Variants in RNF213 observed in about 807,000 individuals in gnomAD.
RNF213 encodes the protein E3 ubiquitin-protein ligase RNF213.
In RNF213, 341 loss-of-function variants were observed where a neutral mutation model predicts 514.4. That is an observed-to-expected ratio of 0.66 (90% CI 0.61 to 0.73). The LOEUF is 0.73. RNF213 is among the 30% of genes least tolerant of loss of function. The pLI is 0.00. For missense variants in RNF213, 5,767 were observed against 6,615.6 expected (o/e 0.87, Z 4.45); for synonymous variants, 2,655 against 2,658.2 (o/e 1.00, Z 0.04).
chr17:80,385,718 CA>C (rs2080209880), intron 61 of RNF213, 97 bp downstream of exon 61: 1 of 1,013,996 alleles, frequency 9.9e-7, no homozygotes, highest in Non-Finnish European at 1.5e-6. Flanking sequence ...TGTCAACACC[CA>C]GCACTGTGTT....
chr17:80,294,118 C>T (rs913522234), intron 8 of RNF213, among the ~76,000 whole-genome samples: 34 of 151,332 alleles, frequency 2.2e-4, no homozygotes, highest in African/African-American at 7.4e-4. Flanking sequence ...AATTATTTTA[C>T]AGTCAACCTC....
rs757498797 is a variant in RNF213, at chr17:80,313,087, A to G, written c.2731A>G (p.Lys911Glu). ...CTTCCAAGGGACCCTTGCTGCTACG[A>G]AAAGGTGGCTCCGAGAAGTTTTTAC... Reference protein sequence around the residue: ...TVFQGTLAATKRWLREVFTKN... With the variant: ...TVFQGTLAATERWLREVFTKN... Residue 911 changes from lysine (K) to glutamate (E), a missense_variant, in exon 15 of 68, where the codon AAA becomes GAA. By Grantham distance (56) the Lys-to-Glu change is moderately conservative. Coordinates refer to ENST00000582970, the MANE Select transcript of RNF213 (RefSeq NM_001256071.3). 6.2e-7 allele frequency: 1 copy of G among 1,614,144 alleles called. No individual in the cohort carries two copies. Among genetic ancestry groups the G allele is most frequent in the Admixed American group, 1.7e-5 (1 of 60,032 alleles).
At chr17:80,355,787 G>A (rs1472418591) in intron 36 of RNF213, among the ~76,000 whole-genome samples, 2 of 139,074 alleles carry the variant, frequency 1.4e-5, no homozygotes, top group Non-Finnish European at 3.0e-5. Context: ...GGCTCATGGA[G>A]GAAAAAGCGG....
chr17:80,366,388 C>T (rs147324380), intron 42 of RNF213, among the ~76,000 whole-genome samples: 1 of 152,308 alleles, frequency 6.6e-6, no homozygotes, highest in African/African-American at 2.4e-5. Flanking sequence ...GTCTGAATTT[C>T]TCCACATCAT....
chr17:80,290,546 A>G (rs2143294055), intron 6 of RNF213, 24 bp from the exon 7 acceptor site: 1 of 1,612,936 alleles, frequency 6.2e-7, no homozygotes, highest in East Asian at 2.2e-5. Flanking sequence ...CGGGAATCAG[A>G]TTTCTGTTTT....
chr17:80,373,165 G>A lies in RNF213; in HGVS notation c.12942G>A (p.Gln4314=). ...TTCCCAAGGACGTTGTCAAGCAGCA[G>A]GTGAGAAGCGGGGCCGGGCAGCACA... ...WVFPKDVVKQ[Q]GLRQDHPGQM... Residue 4314 remains glutamine, a splice_region_variant and synonymous_variant, in exon 49 of 68, where the codon CAG becomes CAA. Coordinates refer to ENST00000582970, the MANE Select transcript of RNF213 (RefSeq NM_001256071.3). 1.2e-6 allele frequency: 2 copies of A among 1,608,392 alleles called. No individual in the cohort carries two copies. Among genetic ancestry groups the A allele is most frequent in the Non-Finnish European group, 1.7e-6 (2 of 1,179,860 alleles).
Position 80,345,999 on chromosome 17 carries a change from G to T in RNF213, c.7664G>T (p.Arg2555Met). 1 of 1,614,216 alleles carries T rather than the reference G, an allele frequency of 6.2e-7. No individual in the cohort carries two copies. The highest frequency in any genetic ancestry group is 8.5e-7 in the Non-Finnish European group (1 of 1,180,042). The part of the protein sequence containing the change: ...YRVSMEETAD[R>M]LGSIPLRQLV... ...GTTAGTATGGAGGAGACGGCCGACA[G>T]GCTGGGCTCCATTCCTCTGAGGCAG... is the stretch of plus-strand genomic sequence containing the variant. The change falls in exon 29 of 68, where the codon AGG becomes ATG. Residue 2555 changes from arginine (R) to methionine (M), a missense_variant. Physicochemically the swap from Arg to Met is moderately conservative, Grantham distance 91. Coordinates refer to ENST00000582970, the MANE Select transcript of RNF213 (RefSeq NM_001256071.3). This position sits in a 1 kb window ranked among gnomAD's most constrained non-coding sequence, Gnocchi z 6.0.
At chr17:80,338,872 C>G (rs1398437747) in intron 25 of RNF213, among the ~76,000 whole-genome samples, 2 of 149,504 alleles carry the variant, frequency 1.3e-5, no homozygotes, top group African/African-American at 4.9e-5. Context: ...TGCTTGAACC[C>G]AGGAGGCAGA....
chr17:80,381,759 C>T, intron 57 of RNF213, 32 bp downstream of exon 57: 1 of 1,598,120 alleles, frequency 6.3e-7, no homozygotes, highest in East Asian at 2.2e-5. Flanking sequence ...GGGCGGGGAT[C>T]ACACAGCACA....
In RNF213 at chr17:80,345,395, C is replaced by G. The variant is rs1379580402; in HGVS notation, c.7060C>G (p.Leu2354Val). The G allele has an allele frequency of 1.2e-6, 2 of 1,613,990 alleles. No homozygotes were observed. The highest frequency in any genetic ancestry group is 1.7e-6 in the Non-Finnish European group (2 of 1,180,034). ...CATGACCAGGGACCTGTACCAGGGC[C>G]TGCTGCTCCAGAGGGTGCCCTTCAA... ...DVMTRDLYQG[L>V]LLQRVPFNVD... Residue 2354 changes from leucine to valine, a missense_variant, in exon 29 of 68, where the codon CTG (leucine) becomes GTG (valine). Transcript: ENST00000582970. The surrounding 1 kb of genome is among the most constrained non-coding windows in gnomAD (Gnocchi z 6.0).
At chr17:80,293,987 G>T (rs1006344157) in intron 8 of RNF213, among the ~76,000 whole-genome samples, 1 of 152,190 alleles carries the variant, frequency 6.6e-6, no homozygotes, top group Non-Finnish European at 1.5e-5. Flanking sequence ...ACTGTGGGTC[G>T]AAAGCATGGC....
chr17:80,383,991 G>A (rs1345717536), intron 59 of RNF213, 63 bp downstream of exon 59: 1 of 1,597,096 alleles, frequency 6.3e-7, no homozygotes, highest in Non-Finnish European at 8.6e-7. Context: ...CAGGCCTGAA[G>A]GCCCTGGGCT....
At chr17:80,364,255 C>CT (rs887181792) in intron 41 of RNF213, among the ~76,000 whole-genome samples, 178 bp from the exon 42 acceptor site, 19 of 152,304 alleles carry the variant, frequency 1.2e-4, no homozygotes, top group Non-Finnish European at 2.8e-4. Context: ...AGCTGAGCGT[C>CT]TGAGAGCGAG....
chr17:80,355,600 G>GA (rs1599107744), intron 36 of RNF213, among the ~76,000 whole-genome samples: 2 of 45,098 alleles, frequency 4.4e-5, no homozygotes, highest in Admixed American at 2.0e-4. Flanking sequence ...GGGCTTACAG[G>GA]GGAAGAAGCG....
intron 37 of RNF213, among the ~76,000 whole-genome samples, 173 bp downstream of exon 37, chr17:80,358,652 T>A (rs1221475832): frequency 6.6e-6 from 1 of 152,216 alleles, no homozygotes; most frequent in East Asian, 1.9e-4. Context: ...GGCTCACGCC[T>A]GTAATCCCAG....
rs1367310280 is a variant in RNF213, at chr17:80,346,485, A to G, written c.8150A>G (p.Asp2717Gly). The G allele has an allele frequency of 4.3e-6, 7 of 1,613,926 alleles. No individual in the cohort carries two copies. In the South Asian group the frequency reaches 4.4e-5, roughly 10 times the overall value. Residue 2717 changes from aspartate (D) to glycine (G), a missense_variant, in exon 29 of 68, where the codon GAC becomes GGC. Coordinates refer to ENST00000582970, the MANE Select transcript of RNF213 (RefSeq NM_001256071.3). This position sits in a 1 kb window ranked among gnomAD's most constrained non-coding sequence, Gnocchi z 8.1. Reference protein sequence around the residue: ...IARFFPKPYDDSRLLLDEITR... With the variant: ...IARFFPKPYDGSRLLLDEITR... Reference sequence around the variant, plus strand: ...AGGTTCTTTCCGAAACCGTATGACGACAGCAGGCTGCTTCTGGATGAAATA... The same window carrying G: ...AGGTTCTTTCCGAAACCGTATGACGGCAGCAGGCTGCTTCTGGATGAAATA...
Position 80,339,823 on chromosome 17 carries a change from G to A in RNF213, c.5456G>A (p.Arg1819His), listed in dbSNP as rs767791421. The A allele has an allele frequency of 3.1e-5, 48 of 1,534,656 alleles. No individual in the cohort carries two copies. The highest frequency in any genetic ancestry group is 4.1e-5 in the African/African-American group (3 of 72,958). Residue 1819 changes from arginine (R) to histidine (H), a missense_variant, in exon 26 of 68, where the codon CGT (arginine) becomes CAT (histidine). Coordinates refer to ENST00000582970, the MANE Select transcript of RNF213 (RefSeq NM_001256071.3). ...GGGATGGGTGGGTCTCCCGTGGAGC[G>A]TTGTCTCCCGAGAGGTCTGCAGGTC... ...LAGMGGSPVE[R>H]CLPRGLQVGQ...
chr17:80,346,698 GC>G lies in RNF213; in HGVS notation c.8366del (p.Pro2789ArgfsTer11). ...AKTIVADAMQ[G>X]PAAYSDLFRS... ...ACCATCGTGGCAGACGCCATGCAGG[GC>G]CCGGCTGCCTACTCAGATCTCTTCC... On this transcript the variant is annotated frameshift_variant, in exon 29 of 68. Transcript: ENST00000582970. LOFTEE classifies it high-confidence loss of function. The surrounding 1 kb of genome is among the most constrained non-coding windows in gnomAD (Gnocchi z 8.1). 6.2e-7 allele frequency: 1 copy of G among 1,611,054 alleles called. No homozygotes were observed. Among genetic ancestry groups the G allele is most frequent in the Non-Finnish European group, 8.5e-7 (1 of 1,179,964 alleles).
At chr17:80,357,967 G>A (rs1290343076) in intron 36 of RNF213, among the ~76,000 whole-genome samples, 2 of 152,208 alleles carry the variant, frequency 1.3e-5, no homozygotes, top group African/African-American at 4.8e-5. Context: ...CAGTTGGCGT[G>A]ACAGAGTGAG....
Sources: gnomAD v4.1 joint callset for allele counts (sites outside exome capture counted in the v4.1 genomes callset) on GRCh38, gnomAD v4.1.1 for gene constraint, Gnocchi (gnomAD v3.1) non-coding constraint, MANE v1.5 for transcripts, NCBI Gene and HGNC (gene_info 2026-07-23, HGNC 2026-07-21) for gene names.